OBI1: variants seen among roughly 807,000 people sequenced by gnomAD.
The protein encoded by OBI1 is ORC ubiquitin ligase 1.
OBI1 carries 59 observed loss-of-function variants against 62.4 expected under a neutral mutation model. That is an observed-to-expected ratio of 0.95 (90% CI 0.77 to 1.17). The LOEUF (loss-of-function observed/expected upper bound fraction) is 1.17. OBI1 is among the 50% of genes most tolerant of loss of function. The pLI is 0.00. For missense variants in OBI1, 875 were observed against 830.9 expected (o/e 1.05, Z -0.65); for synonymous variants, 302 against 292.8 (o/e 1.03, Z -0.32).
chr13:78,652,449 T>C (rs1164414698), intron 1 of OBI1, among the ~76,000 whole-genome samples: 1 of 151,676 alleles, frequency 6.6e-6, no homozygotes, highest in Non-Finnish European at 1.5e-5. Flanking sequence ...TCTATCCAAT[T>C]TACTCTCAAA....
chr13:78,650,070 G>C (rs1834423490), intron 1 of OBI1, among the ~76,000 whole-genome samples: 1 of 152,124 alleles, frequency 6.6e-6, no homozygotes, highest in African/African-American at 2.4e-5. Flanking sequence ...CAGGTCTGTG[G>C]TTTCTAATGC....
At chr13:78,620,589 A>T (rs1256694786) in intron 5 of OBI1, 2 of 451,852 alleles carry the variant, frequency 4.4e-6, no homozygotes, top group South Asian at 3.1e-5. Flanking sequence ...TCAGCTTGCA[A>T]TATTAACTGA....
At chr13:78,630,265 G>GT (rs1566279014) in intron 5 of OBI1, among the ~76,000 whole-genome samples, 3 of 151,956 alleles carry the variant, frequency 2.0e-5, no homozygotes, top group Admixed American at 6.6e-5. Flanking sequence ...TTTTGCTGGG[G>GT]TTTTTTTCCT....
intron 1 of OBI1, among the ~76,000 whole-genome samples, chr13:78,651,710 T>G (rs1440094547): frequency 6.6e-6 from 1 of 152,216 alleles, no homozygotes; most frequent in Non-Finnish European, 1.5e-5. Context: ...ACCAAGTCTT[T>G]GATAGGGCAC....
chr13:78,648,305 C>CAG (rs1876447385), intron 1 of OBI1, among the ~76,000 whole-genome samples: 1 of 151,654 alleles, frequency 6.6e-6, no homozygotes, highest in Non-Finnish European at 1.5e-5. Context: ...CACACACACA[C>CAG]ACACACAGAC....
At chr13:78,651,656 T>C (rs572855586) in intron 1 of OBI1, among the ~76,000 whole-genome samples, 1 of 152,272 alleles carries the variant, frequency 6.6e-6, no homozygotes, top group South Asian at 2.1e-4. Context: ...GCAAATAAAA[T>C]GCCACCTCCT....
In OBI1 at chr13:78,616,591, A is replaced by G; in HGVS notation, c.1170T>C (p.Cys390=). Residue 390 remains cysteine (C), a synonymous_variant, in exon 6 of 6, where the codon TGT becomes TGC. Coordinates refer to ENST00000282003, the MANE Select transcript of OBI1 (RefSeq NM_024546.4). ...DEELYDLPAP[C]TPLSLSCLQL... ...GAAGGCAACTAAGGGACAAAGGAGT[A>G]CAAGGAGCTGGAAGATCATAAAGTT... 1 of 1,614,198 alleles carries G rather than the reference A, an allele frequency of 6.2e-7. No individual in the cohort carries two copies. The highest frequency in any genetic ancestry group is 1.3e-5 in the African/African-American group (1 of 75,066).
intron 5 of OBI1, among the ~76,000 whole-genome samples, chr13:78,634,107 C>CA (rs1219860562): frequency 1.4e-5 from 2 of 145,380 alleles, no homozygotes; most frequent in African/African-American, 5.0e-5. Context: ...AAAAAAAAAA[C>CA]AAAAAACAAA....
At chr13:78,635,978 G>A (rs1265778055) in intron 4 of OBI1, among the ~76,000 whole-genome samples, 3 of 152,064 alleles carry the variant, frequency 2.0e-5, no homozygotes, top group African/African-American at 7.2e-5. Flanking sequence ...GGCCAGGCTG[G>A]TCTTGAACTT....
At chr13:78,627,056 A>G (rs1470905391) in intron 5 of OBI1, among the ~76,000 whole-genome samples, 1 of 152,160 alleles carries the variant, frequency 6.6e-6, no homozygotes, top group African/African-American at 2.4e-5. Flanking sequence ...ACAGCACAGG[A>G]AAGAAAGGTA....
At chr13:78,655,464 A>G (rs986454437) in intron 1 of OBI1, among the ~76,000 whole-genome samples, 1 of 152,206 alleles carries the variant, frequency 6.6e-6, no homozygotes, top group Non-Finnish European at 1.5e-5. Flanking sequence ...CAAAGTAACT[A>G]AAAACATTAT....
intron 5 of OBI1, among the ~76,000 whole-genome samples, chr13:78,630,464 T>C (rs959210975): frequency 2.6e-5 from 4 of 152,148 alleles, no homozygotes; most frequent in African/African-American, 7.2e-5. Flanking sequence ...TATGGTGCCA[T>C]AGACTAAATG....
At position 78,615,517 on chromosome 13, in the gene OBI1, G is replaced by T; in HGVS notation, c.*63C>A. ...TATAGAACTTTTATGAGGAAAAAAG[G>T]TAACTTTAACAACTTTTCTATTTCT... On this transcript the variant is annotated 3_prime_UTR_variant, in exon 6 of 6. Transcript: ENST00000282003. 8 of 1,235,834 alleles carry T rather than the reference G, an allele frequency of 6.5e-6. No homozygotes were observed. Among genetic ancestry groups the T allele is most frequent in the Non-Finnish European group, 9.1e-6 (8 of 882,452 alleles). The allele number at this position is 1,235,834 out of a possible 1,614,324, so 76.6% of individuals were successfully genotyped here.
chr13:78,643,038 C>G (rs1223775954), intron 2 of OBI1, among the ~76,000 whole-genome samples: 2 of 152,200 alleles, frequency 1.3e-5, no homozygotes, highest in African/African-American at 4.8e-5. Context: ...TGAATTCTTC[C>G]TGAGAGCTCT....
chr13:78,617,844 A>T (rs1365070902), intron 5 of OBI1, among the ~76,000 whole-genome samples: 3 of 152,056 alleles, frequency 2.0e-5, no homozygotes, highest in Non-Finnish European at 1.5e-5. Flanking sequence ...CAAAAAAAAA[A>T]ATTTTTTTGT....
rs1876233906 is a variant in OBI1 at position 78,642,122 on chromosome 13, CTCATATTCTTT to C, written c.289_299del (p.Lys97GlyfsTer14). 6.4e-7 allele frequency: 1 copy of C among 1,561,264 alleles called. No individual in the cohort carries two copies. Among genetic ancestry groups the C allele is most frequent in the Non-Finnish European group, 8.8e-7 (1 of 1,132,904 alleles). Reference sequence around the variant, plus strand: ...ATTTTAAACTTTGATTACTGTTTACCTCATATTCTTTGTGTAGTAATTCAAGTCTAGTTTTC... The same window carrying C: ...ATTTTAAACTTTGATTACTGTTTACCGTGTAGTAATTCAAGTCTAGTTTTC... On this transcript the variant is annotated frameshift_variant and splice_region_variant, in exon 3 of 6. Transcript: ENST00000282003. LOFTEE classifies it high-confidence loss of function.
At chr13:78,641,873 CT>C (rs1404350587) in intron 3 of OBI1, among the ~76,000 whole-genome samples, 1 of 150,896 alleles carries the variant, frequency 6.6e-6, no homozygotes, top group East Asian at 1.9e-4. Context: ...CCATCTGTTC[CT>C]TTTTTCTGGA....
In OBI1 at chr13:78,644,854, G is replaced by C. The variant is rs774048274; in HGVS notation, c.208+8C>G. On this transcript the variant is annotated splice_region_variant and intron_variant, in intron 2 of 5. Coordinates refer to ENST00000282003, the MANE Select transcript of OBI1 (RefSeq NM_024546.4). ...CTATTCCTATGCATATATAAAACAG[G>C]CCCTTACCTATAATTTCTTTGCAAG... The C allele has an allele frequency of 1.9e-6, 3 of 1,612,814 alleles. No individual in the cohort carries two copies. The Admixed American group carries it at 5.0e-5, about 27-fold the overall frequency.
Position 78,616,255 on chromosome 13 carries a change from T to C in OBI1, c.1506A>G (p.Lys502=), listed in dbSNP as rs1292830724. Residue 502 remains lysine (K), a synonymous_variant, in exon 6 of 6, where the codon AAA becomes AAG. Coordinates refer to ENST00000282003, the MANE Select transcript of OBI1 (RefSeq NM_024546.4). ...VGEISSKLSE[K]SGLCLSKRLN... ...ACCTTTTGGATAAACATAAGCCTGA[T>C]TTCTCACTCAATTTTGAAGATATTT... The C allele has an allele frequency of 1.9e-6, 3 of 1,613,664 alleles. No homozygotes were observed. The highest frequency in any genetic ancestry group is 1.7e-5 in the Admixed American group (1 of 59,990).
Sources: gnomAD v4.1 joint callset for allele counts (sites outside exome capture counted in the v4.1 genomes callset) on GRCh38, gnomAD v4.1.1 for gene constraint, MANE v1.5 for transcripts, NCBI Gene and HGNC (gene_info 2026-07-23, HGNC 2026-07-21) for gene names.